Variants in UPF2 observed in about 807,000 individuals in gnomAD.
UPF2 encodes the protein regulator of nonsense transcripts 2.
In UPF2, 17 loss-of-function variants were observed where a neutral mutation model predicts 141.4. That is an observed-to-expected ratio of 0.12 (90% CI 0.08 to 0.18). The LOEUF (loss-of-function observed/expected upper bound fraction) is 0.18. Ranked by LOEUF, UPF2 falls within the 10% of genes least tolerant of loss-of-function variation. The probability of loss-of-function intolerance (pLI) is 1.00; values close to 1 mark genes in which losing one functional copy is unlikely to be tolerated. For synonymous variants in UPF2, 540 were observed against 498.0 expected (o/e 1.08, Z -1.12); for missense variants, 1,152 against 1,515.9 (o/e 0.76, Z 3.99).
Position 11,948,482 on chromosome 10 carries a change from C to T in UPF2, c.3061G>A (p.Asp1021Asn), listed in dbSNP as rs1833032865. 1.2e-6 allele frequency: 2 copies of T among 1,612,684 alleles called. No homozygotes were observed. The highest frequency in any genetic ancestry group is 2.2e-5 in the South Asian group (2 of 91,050). The change falls in exon 16 of 22, where the codon GAT (aspartate) becomes AAT (asparagine). Residue 1021 changes from aspartate (D) to asparagine (N), a missense_variant. By Grantham distance (23) the Asp-to-Asn change is conservative. Transcript: ENST00000357604. ...LGLVNDKDSK[D>N]SMTEGENLEE... Reference sequence around the variant, plus strand: ...AGATTTTCTCCTTCTGTCATAGAATCTTTTGAGTCTTTGTCATTTACTAGG... The same window carrying T: ...AGATTTTCTCCTTCTGTCATAGAATTTTTTGAGTCTTTGTCATTTACTAGG...
Position 11,936,536 on chromosome 10 carries a change from G to C in UPF2, c.3546+9C>G. 6.3e-7 allele frequency: 1 copy of C among 1,593,940 alleles called. No individual in the cohort carries two copies. The highest frequency in any genetic ancestry group is 8.5e-7 in the Non-Finnish European group (1 of 1,170,606). On this transcript the variant is annotated intron_variant, in intron 19 of 21. Coordinates refer to ENST00000357604, the MANE Select transcript of UPF2 (RefSeq NM_015542.4). The surrounding 1 kb of genome is among the most constrained non-coding windows in gnomAD (Gnocchi z 6.6). The stretch of plus-strand genomic sequence containing the variant: ...ATCAGCTATAATTACAGGGCGGGCA[G>C]TTTCTTACCTGCTGTTTATTGCCTT...
chr10:11,967,443 CT>C lies in UPF2; in HGVS notation c.1964del (p.Lys655ArgfsTer16), dbSNP rs1277877598. On this transcript the variant is annotated frameshift_variant, in exon 10 of 22. Transcript: ENST00000357604. LOFTEE classifies it high-confidence loss of function. Reference sequence around the variant, plus strand: ...TCTTTGTTTCAATATTGATCTGGTCCTTTTTCCGTACCTAAAAATTAAGAGA... The same window carrying C: ...TCTTTGTTTCAATATTGATCTGGTCCTTTTCCGTACCTAAAAATTAAGAGA... ...RGDFRFHVRK[K>X]DQINIETKNK... is the part of the protein sequence containing the mutation. 13 of 1,558,282 alleles carry C rather than the reference CT, an allele frequency of 8.3e-6. No homozygotes were observed. The highest frequency in any genetic ancestry group is 6.2e-5 in the Admixed American group (3 of 48,248).
In UPF2 at chr10:11,980,957, A is replaced by C. The variant is rs1415058099; in HGVS notation, c.1845-1792T>G. Among the ~76,000 whole-genome samples, 1 of 151,936 alleles carries C rather than the reference A, an allele frequency of 6.6e-6. No homozygotes were observed. The highest frequency in any genetic ancestry group is 1.5e-5 in the Non-Finnish European group (1 of 67,978). Reference sequence around the variant, plus strand: ...AATCCCAGCACTTTGGCAGGCTGAGACAGGTGGATCACCTGAGGTGAGGAG... The same window carrying C: ...AATCCCAGCACTTTGGCAGGCTGAGCCAGGTGGATCACCTGAGGTGAGGAG... On this transcript the variant is annotated intron_variant, in intron 8 of 21. Coordinates refer to ENST00000357604, the MANE Select transcript of UPF2 (RefSeq NM_015542.4). The surrounding 1 kb of genome is among the most constrained non-coding windows in gnomAD (Gnocchi z 4.2).
intron 21 of UPF2, among the ~76,000 whole-genome samples, chr10:11,922,043 C>T (rs1036209027): frequency 6.6e-6 from 1 of 152,104 alleles, no homozygotes. Context: ...CACAGACACA[C>T]ACAGGGGGAA....
intron 16 of UPF2, 28 bp downstream of exon 16, chr10:11,948,341 C>A (rs1031439660): frequency 5.9e-6 from 9 of 1,528,236 alleles, no homozygotes; most frequent in Middle Eastern, 1.7e-4. Flanking sequence ...CAAATGTACT[C>A]TATGTTGCTA....
At chr10:11,946,466 T>C (rs1462344213) in intron 16 of UPF2, among the ~76,000 whole-genome samples, 1 of 152,226 alleles carries the variant, frequency 6.6e-6, no homozygotes, top group Non-Finnish European at 1.5e-5. Flanking sequence ...ACATCCCATT[T>C]ACTCAAATAA....
At chr10:11,922,383 T>A (rs1832656465) in intron 21 of UPF2, among the ~76,000 whole-genome samples, 1 of 152,152 alleles carries the variant, frequency 6.6e-6, no homozygotes, top group Admixed American at 6.6e-5. Flanking sequence ...GAAAAGTATA[T>A]CCTCAGCTGG....
rs191178000 is a variant in UPF2 at position 12,007,571 on chromosome 10, C to T, written c.1307-2844G>A. 3.2e-3 allele frequency among the ~76,000 whole-genome samples: 487 copies of T among 152,194 alleles called. 7 individuals are homozygous for T. Among genetic ancestry groups the T allele is most frequent in the Non-Finnish European group, 1.1e-3 (78 of 68,008 alleles). ...GTCGGCCGGGCACAGTGGCTCACGC[C>T]TGTAATCCCAACACTTTGGGAGGCT... On this transcript the variant is annotated intron_variant, in intron 4 of 21. Transcript: ENST00000357604.
At chr10:11,963,243 T>G (rs2131199697) in intron 11 of UPF2, among the ~76,000 whole-genome samples, 1 of 152,352 alleles carries the variant, frequency 6.6e-6, no homozygotes, top group South Asian at 2.1e-4. Flanking sequence ...CGTAGTTAAC[T>G]CTCACCCATT....
rs111950665 is a variant in UPF2 at position 12,001,337 on chromosome 10, C to A, written c.1654+339G>T. 1.6e-3 allele frequency among the ~76,000 whole-genome samples: 250 copies of A among 152,082 alleles called. 1 individual carries two copies. The highest frequency in any genetic ancestry group is 5.6e-3 in the African/African-American group (231 of 41,472). ...GCTGAGGCAGGAGAATTGCTTGAACCCAGGAGGCAGAAGTTGCAGTGAGCC... is the reference window on the plus strand; with the variant it reads ...GCTGAGGCAGGAGAATTGCTTGAACACAGGAGGCAGAAGTTGCAGTGAGCC... On this transcript the variant is annotated intron_variant, in intron 6 of 21. Coordinates refer to ENST00000357604, the MANE Select transcript of UPF2 (RefSeq NM_015542.4).
At chr10:12,004,767 G>A in intron 4 of UPF2, 40 bp from the exon 5 acceptor site, 1 of 1,572,184 alleles carries the variant, frequency 6.4e-7, no homozygotes, top group East Asian at 2.3e-5. Context: ...CATAACTTGA[G>A]GTTATAGCAT....
At chr10:11,994,665 T>C (rs1009866376) in intron 8 of UPF2, among the ~76,000 whole-genome samples, 3 of 152,180 alleles carry the variant, frequency 2.0e-5, no homozygotes, top group Non-Finnish European at 4.4e-5. Context: ...GTGTTGGAGA[T>C]GCACAAAATG....
chr10:11,934,353 A>C (rs1832817727), intron 19 of UPF2, among the ~76,000 whole-genome samples: 1 of 152,014 alleles, frequency 6.6e-6, no homozygotes, highest in Non-Finnish European at 1.5e-5. Context: ...ACAGATAGAG[A>C]ATGGAGAGTA....
chr10:12,039,999 A>G lies in UPF2; in HGVS notation c.-19+2756T>C, dbSNP rs554528555. On this transcript the variant is annotated intron_variant, in intron 1 of 21. Transcript: ENST00000357604. The stretch of plus-strand genomic sequence containing the variant: ...TAAGAAATTCATGTAGTATCTGACA[A>G]ATTCACAAAGATCATCATTTATTAG... 2.0e-3 allele frequency among the ~76,000 whole-genome samples: 304 copies of G among 152,344 alleles called. 2 individuals are homozygous for G. The highest frequency in any genetic ancestry group is 0.012 in the South Asian group (60 of 4,828).
intron 2 of UPF2, among the ~76,000 whole-genome samples, chr10:12,030,144 T>C (rs964951276): frequency 6.6e-6 from 1 of 151,950 alleles, no homozygotes; most frequent in Non-Finnish European, 1.5e-5. Context: ...GTAAGACATA[T>C]AATGCTACTG....
chr10:11,970,494 C>T (rs79534965), intron 9 of UPF2, among the ~76,000 whole-genome samples: 4,366 of 151,668 alleles, frequency 0.029, 190 homozygotes, highest in African/African-American at 0.096. Context: ...TGAGAAAACA[C>T]GTAAGAAAGC....
Position 11,999,948 on chromosome 10 carries a change from T to C in UPF2, c.1716A>G (p.Leu572=), listed in dbSNP as rs764684975. 1.9e-6 allele frequency: 3 copies of C among 1,613,756 alleles called. No individual in the cohort carries two copies. The highest frequency in any genetic ancestry group is 1.3e-5 in the African/African-American group (1 of 74,888). The change falls in exon 7 of 22, where the codon CTA becomes CTG. Residue 572 remains leucine (L), a synonymous_variant. Coordinates refer to ENST00000357604, the MANE Select transcript of UPF2 (RefSeq NM_015542.4). ...GGTTGACACAGTTGGGTAACTGCTG[T>C]AGGAAAGCATCTACTATGAGCTTGA... ...SHLKLIVDAF[L]QQLPNCVNRD... is the part of the protein sequence containing the mutation.
intron 8 of UPF2, among the ~76,000 whole-genome samples, chr10:11,983,566 G>A (rs1043750024): frequency 1.3e-5 from 2 of 152,112 alleles, no homozygotes; most frequent in African/African-American, 4.8e-5. Context: ...TAGAGACGGG[G>A]TTTCACTGTA....
Position 12,000,294 on chromosome 10 carries a change from G to A in UPF2, c.1655-285C>T, listed in dbSNP as rs183986186. ...TGCAGTGTTATGGTAAATGTTATTG[G>A]TGTCTGCCCAGCATCCCTTCCCCCA... is the stretch of plus-strand genomic sequence containing the variant. On this transcript the variant is annotated intron_variant, in intron 6 of 21. Coordinates refer to ENST00000357604, the MANE Select transcript of UPF2 (RefSeq NM_015542.4). Among the ~76,000 whole-genome samples the A allele has an allele frequency of 2.7e-4, 41 of 152,272 alleles. 1 individual carries two copies. In the East Asian group the frequency reaches 3.7e-3, roughly 14 times the overall value.
Sources: allele counts gnomAD v4.1 joint callset (sites outside exome capture counted in the v4.1 genomes callset), GRCh38; gene constraint gnomAD v4.1.1; non-coding constraint Gnocchi (gnomAD v3.1); transcripts MANE v1.5; gene names NCBI Gene and HGNC (gene_info 2026-07-23, HGNC 2026-07-21).